The following HMGN5 variants were observed in gnomAD, a reference collection of about 807,000 sequenced individuals.
HMGN5 encodes high mobility group nucleosome-binding domain-containing protein 5.
A neutral mutation model predicts 9.5 loss-of-function variants in HMGN5; 4 were observed. The ratio of observed to expected loss-of-function variants is 0.42; its 90% CI spans 0.21 to 0.96. The LOEUF (loss-of-function observed/expected upper bound fraction) is 0.96, where lower values mean the gene tolerates loss of function less well. Among genes scored for constraint, HMGN5 ranks in the 40% least tolerant of loss-of-function variants. The pLI is 0.30. For synonymous variants in HMGN5, 55 were observed against 57.1 expected, an observed-to-expected ratio of 0.96 and a Z score of 0.16; for missense variants, 192 against 187.5, an observed-to-expected ratio of 1.02 and a Z score of -0.14.
At position 81,201,862 on chromosome X, in the gene HMGN5, T is replaced by C. The variant is rs2075528157; in HGVS notation, c.-249A>G. The C allele has an allele frequency of 3.9e-6, 1 of 255,811 alleles. No individual in the cohort carries two copies. The highest frequency in any genetic ancestry group is 6.8e-6 in the Non-Finnish European group (1 of 146,464). 21.1% of individuals were successfully genotyped at this position (255,811 alleles called of 1,213,427 possible). On this transcript the variant is annotated 5_prime_UTR_variant, in exon 1 of 7. Coordinates refer to ENST00000358130, the MANE Select transcript of HMGN5 (RefSeq NM_030763.3). ...AATCTAATTCAATTCAGTTCTCCTT[T>C]TTCTTTCTTCTTCTCCTCGCCCTCT...
intron 1 of HMGN5, among the ~76,000 whole-genome samples, chrX:81,184,457 G>A (rs139511332): frequency 0.012 from 1,298 of 111,405 alleles, 18 homozygotes; most frequent in African/African-American, 0.039. Context: ...AAATTACCCC[G>A]TCTCACATAT....
intron 1 of HMGN5, among the ~76,000 whole-genome samples, chrX:81,164,621 A>G (rs1391178156): frequency 9.0e-6 from 1 of 111,193 alleles, no homozygotes; most frequent in Non-Finnish European, 1.9e-5. Context: ...TCTATTATCT[A>G]TTTGTTCAAG....
intron 1 of HMGN5, among the ~76,000 whole-genome samples, chrX:81,200,512 G>C (rs979795792): frequency 2.7e-5 from 3 of 112,189 alleles, no homozygotes; most frequent in Admixed American, 9.4e-5. Flanking sequence ...GTACACCATG[G>C]AATACTATGC....
intron 1 of HMGN5, among the ~76,000 whole-genome samples, chrX:81,149,050 C>T (rs1471447043): frequency 2.7e-5 from 3 of 111,710 alleles, no homozygotes; most frequent in African/African-American, 6.5e-5. Context: ...TTAGTTCAAC[C>T]GTTGTGGAAT....
intron 1 of HMGN5, among the ~76,000 whole-genome samples, chrX:81,200,355 C>T: frequency 8.9e-6 from 1 of 112,197 alleles, no homozygotes; most frequent in Admixed American, 9.4e-5. Context: ...AATCTCATTA[C>T]TGAGCATATA....
At chrX:81,188,242 G>A (rs2075482925) in intron 1 of HMGN5, among the ~76,000 whole-genome samples, 1 of 102,905 alleles carries the variant, frequency 9.7e-6, no homozygotes, top group African/African-American at 3.5e-5. Flanking sequence ...GGGACTACAG[G>A]CATGTGCCAC....
In HMGN5 at chrX:81,114,738, C is replaced by T. The variant is rs1462596193; in HGVS notation, c.760G>A (p.Glu254Lys). Residue 254 changes from glutamate to lysine, a missense_variant, in exon 7 of 7, where the codon GAA becomes AAA. Physicochemically the swap from Glu to Lys is moderately conservative, Grantham distance 56. Coordinates refer to ENST00000358130, the MANE Select transcript of HMGN5 (RefSeq NM_030763.3). ...CCTTCTTCCTCTTCTTTTAAATCTT[C>T]TTTCTCTTTTCCAGCTTCTTCCTCA... is the stretch of plus-strand genomic sequence containing the variant. Reference protein sequence around the residue: ...GNEEEAGKEKEDLKEEEEGKE... With the variant: ...GNEEEAGKEKKDLKEEEEGKE... 3 of 1,159,932 alleles carry T rather than the reference C, an allele frequency of 2.6e-6. No individual in the cohort carries two copies. Among genetic ancestry groups the T allele is most frequent in the Middle Eastern group, 2.4e-4 (1 of 4,250 alleles).
intron 1 of HMGN5, among the ~76,000 whole-genome samples, chrX:81,162,248 T>G (rs1650928536): frequency 9.1e-6 from 1 of 109,420 alleles, no homozygotes; most frequent in Non-Finnish European, 1.9e-5. Context: ...GGATTATAAA[T>G]TGGTACACAG....
At chrX:81,195,305 G>A (rs747255097) in intron 1 of HMGN5, 2 of 111,455 alleles carry the variant, frequency 1.8e-5, no homozygotes, top group Non-Finnish European at 3.8e-5. Flanking sequence ...CATCTAGTAC[G>A]GGAGAAAGAT....
Position 81,133,405 on chromosome X carries a change from A to G in HMGN5, c.-123-11733T>C, listed in dbSNP as rs765041129. On this transcript the variant is annotated intron_variant, in intron 1 of 6. Transcript: ENST00000358130. ...TCATTCTATTATAAAGACACCTGCA[A>G]ACATTTGTTAATTGCAGCACTATTC... 2.7e-5 allele frequency among the ~76,000 whole-genome samples: 3 copies of G among 111,581 alleles called. No individual in the cohort carries two copies. The East Asian group carries it at 8.4e-4, about 31-fold the overall frequency.
intron 1 of HMGN5, among the ~76,000 whole-genome samples, chrX:81,186,753 A>T (rs1341856583): frequency 1.8e-5 from 2 of 111,353 alleles, no homozygotes; most frequent in African/African-American, 6.5e-5. Flanking sequence ...GTTTTGATAT[A>T]GGCATGCAAT....
Position 81,114,761 on chromosome X carries a change from T to C in HMGN5, c.737A>G (p.Glu246Gly). Residue 246 changes from glutamate (E) to glycine (G), a missense_variant, in exon 7 of 7, where the codon GAG becomes GGG. Physicochemically the swap from Glu to Gly is moderately conservative, Grantham distance 98. Coordinates refer to ENST00000358130, the MANE Select transcript of HMGN5 (RefSeq NM_030763.3). The part of the protein sequence containing the change: ...EDGKEDEGGN[E>G]EEAGKEKEDL... ...TTCTTTCTCTTTTCCAGCTTCTTCC[T>C]CATTTCCACCTTCATCTTCTTTTCC... 8.6e-7 allele frequency: 1 copy of C among 1,163,990 alleles called. No homozygotes were observed.
intron 6 of HMGN5, among the ~76,000 whole-genome samples, chrX:81,115,539 A>G (rs1459079406): frequency 8.9e-6 from 1 of 112,390 alleles, no homozygotes; most frequent in Non-Finnish European, 1.9e-5. Context: ...AAAGGATGAC[A>G]TATATTTATT....
At chrX:81,129,959 G>A (rs920950302) in intron 1 of HMGN5, among the ~76,000 whole-genome samples, 4 of 111,471 alleles carry the variant, frequency 3.6e-5, no homozygotes, top group African/African-American at 1.3e-4. Context: ...TACTTTCCTG[G>A]CTTGACAGCA....
chrX:81,156,274 G>A (rs1370375121), intron 1 of HMGN5, among the ~76,000 whole-genome samples: 1 of 112,305 alleles, frequency 8.9e-6, no homozygotes, highest in Non-Finnish European at 1.9e-5. Context: ...CTATGTGAAT[G>A]TGATCTAAAT....
intron 1 of HMGN5, among the ~76,000 whole-genome samples, chrX:81,187,174 C>A (rs1208263504): frequency 9.0e-6 from 1 of 111,559 alleles, no homozygotes; most frequent in African/African-American, 3.2e-5. Context: ...TATTCTGCAG[C>A]CACTGGATGA....
intron 1 of HMGN5, among the ~76,000 whole-genome samples, chrX:81,174,241 C>A (rs2075434981): frequency 9.0e-6 from 1 of 110,537 alleles, no homozygotes; most frequent in Non-Finnish European, 1.9e-5. Flanking sequence ...TTAAAATCTC[C>A]TTTTCCTTTT....
chrX:81,179,070 T>C (rs955841313), intron 1 of HMGN5, among the ~76,000 whole-genome samples: 12 of 111,476 alleles, frequency 1.1e-4, no homozygotes, highest in Non-Finnish European at 1.3e-4. Flanking sequence ...TAAGAGCTAT[T>C]TATGACAAAC....
At chrX:81,159,157 C>T (rs567706115) in intron 1 of HMGN5, among the ~76,000 whole-genome samples, 2 of 111,616 alleles carry the variant, frequency 1.8e-5, no homozygotes, top group South Asian at 7.6e-4. Flanking sequence ...ACTGCATGTT[C>T]TCACTTGTAA....
Sources: allele counts gnomAD v4.1 joint callset (sites outside exome capture counted in the v4.1 genomes callset), GRCh38; gene constraint gnomAD v4.1.1; transcripts MANE v1.5; gene names NCBI Gene and HGNC (gene_info 2026-07-23, HGNC 2026-07-21).